ZNF385D: variants seen among roughly 807,000 people sequenced by gnomAD.
ZNF385D encodes the protein zinc finger protein 659.
ZNF385D carries 15 observed loss-of-function variants against 35.8 expected under a neutral mutation model. That is an observed-to-expected ratio of 0.42 (90% CI 0.28 to 0.64). ZNF385D has a LOEUF of 0.64. ZNF385D is among the 30% of genes least tolerant of loss of function. The pLI is 0.23. For missense variants in ZNF385D, 474 were observed against 494.6 expected (o/e 0.96, Z 0.39); for synonymous variants, 212 against 186.8 (o/e 1.13, Z -1.10).
At chr3:21,756,429 G>T (rs1251052027) in intron 3 of ZNF385D, among the ~76,000 whole-genome samples, 1 of 152,014 alleles carries the variant, frequency 6.6e-6, no homozygotes, top group Non-Finnish European at 1.5e-5. Flanking sequence ...TCAGTGTAGG[G>T]GCATGTCTGG....
chr3:22,326,923 A>G (rs978069203), intron 2 of ZNF385D, among the ~76,000 whole-genome samples: 2 of 152,216 alleles, frequency 1.3e-5, no homozygotes, highest in African/African-American at 2.4e-5. Flanking sequence ...AGAGTGCCAG[A>G]AAATAGGAAA....
chr3:21,614,625 A>G (rs374260977), intron 2 of ZNF385D, among the ~76,000 whole-genome samples: 7 of 152,078 alleles, frequency 4.6e-5, no homozygotes, highest in East Asian at 1.9e-4. Flanking sequence ...GAGTCTCACT[A>G]TGTCACAAGC....
chr3:22,095,284 AT>A (rs1454443230), intron 3 of ZNF385D, among the ~76,000 whole-genome samples: 1 of 151,728 alleles, frequency 6.6e-6, no homozygotes, highest in Admixed American at 6.6e-5. Context: ...TTATATTATT[AT>A]TTTATTTCTT....
At chr3:21,594,235 G>A (rs540306238) in intron 2 of ZNF385D, among the ~76,000 whole-genome samples, 5 of 152,242 alleles carry the variant, frequency 3.3e-5, no homozygotes, top group Admixed American at 6.5e-5. Context: ...CACTTATTTT[G>A]CAGTATCCAT....
At chr3:21,533,552 A>T (rs1358860800) in intron 3 of ZNF385D, among the ~76,000 whole-genome samples, 1 of 152,050 alleles carries the variant, frequency 6.6e-6, no homozygotes, top group Non-Finnish European at 1.5e-5. Context: ...CATCTATATG[A>T]CTCAAAATGC....
Position 22,105,327 on chromosome 3 carries a change from G to A in ZNF385D, c.325+63490C>T, listed in dbSNP as rs1267624493. On this transcript the variant is annotated intron_variant, in intron 3 of 5. Coordinates refer to the ZNF385D transcript ENST00000494108. ...ATTGCCTTTTTTTTTTCAGAGATCA[G>A]TTGTATTAGTCAGGACTCACTAGAT... 3.3e-5 allele frequency among the ~76,000 whole-genome samples: 5 copies of A among 150,038 alleles called. No individual in the cohort carries two copies. The East Asian group carries it at 9.8e-4, about 29-fold the overall frequency.
At chr3:21,724,937 A>G (rs2068697091) in intron 1 of ZNF385D, among the ~76,000 whole-genome samples, 1 of 152,166 alleles carries the variant, frequency 6.6e-6, no homozygotes, top group Non-Finnish European at 1.5e-5. Flanking sequence ...TTGGAAGTAA[A>G]ACACCCTTAG....
chr3:21,641,720 C>G (rs1249831150), intron 2 of ZNF385D, among the ~76,000 whole-genome samples: 1 of 150,068 alleles, frequency 6.7e-6, no homozygotes, highest in Non-Finnish European at 1.5e-5. Context: ...AAGTGATCTG[C>G]CTGCCTTGGC....
At chr3:21,751,236 A>AGCGCC, upstream of ZNF385D, 1 of 1,106,928 alleles carries the variant, frequency 9.0e-7, no homozygotes. Flanking sequence ...AGACCCCTCC[A>AGCGCC]CCCCACCCCA....
At chr3:21,450,970 A>C (rs1434978838) in intron 4 of ZNF385D, among the ~76,000 whole-genome samples, 1 of 152,176 alleles carries the variant, frequency 6.6e-6, no homozygotes, top group African/African-American at 2.4e-5. Flanking sequence ...AATAGATCTG[A>C]ATGAGAGAAA....
chr3:22,351,989 A>G (rs903671680), intron 2 of ZNF385D, among the ~76,000 whole-genome samples: 3 of 152,064 alleles, frequency 2.0e-5, no homozygotes, highest in Admixed American at 6.6e-5. Flanking sequence ...ATTACCTCAT[A>G]CCGTTCATGT....
intron 3 of ZNF385D, among the ~76,000 whole-genome samples, chr3:21,977,774 T>C (rs1262287933): frequency 6.6e-6 from 1 of 152,038 alleles, no homozygotes; most frequent in Non-Finnish European, 1.5e-5. Context: ...AATTGGAGGT[T>C]ACGGTGGGCC....
At chr3:21,919,945 A>G (rs1404021964) in intron 3 of ZNF385D, among the ~76,000 whole-genome samples, 1 of 152,198 alleles carries the variant, frequency 6.6e-6, no homozygotes, top group African/African-American at 2.4e-5. Flanking sequence ...AGCTCCCTCT[A>G]TAAGCATTTT....
At chr3:21,980,576 T>A (rs935176064) in intron 3 of ZNF385D, among the ~76,000 whole-genome samples, 9 of 152,162 alleles carry the variant, frequency 5.9e-5, no homozygotes, top group Admixed American at 2.6e-4. Context: ...CCTTTTAAAC[T>A]TTTATTTTAG....
rs1700727351 is a variant in ZNF385D, at chr3:21,421,334, A to G, written c.1068T>C (p.Ser356=). 1 of 1,613,806 alleles carries G rather than the reference A, an allele frequency of 6.2e-7. No homozygotes were observed. Residue 356 remains serine (S), a synonymous_variant, in exon 8 of 8, where the codon AGT becomes AGC. Coordinates refer to ENST00000281523, the MANE Select transcript of ZNF385D (RefSeq NM_024697.3). ...GTGTTGCTGCTGGAGCAGTTCGAAG[A>G]CTGAAGGGGGAACTCACTGCCACTG... The part of the protein sequence containing the change: ...AAAVAVSSPF[S]LRTAPAATLF...
chr3:21,970,373 A>G (rs1703171800), intron 3 of ZNF385D, among the ~76,000 whole-genome samples: 1 of 151,256 alleles, frequency 6.6e-6, no homozygotes, highest in Non-Finnish European at 1.5e-5. Flanking sequence ...GATTAAAATA[A>G]TTTAAAATAA....
intron 3 of ZNF385D, among the ~76,000 whole-genome samples, chr3:22,005,395 A>G (rs191924351): frequency 6.6e-6 from 1 of 152,118 alleles, no homozygotes; most frequent in East Asian, 1.9e-4. Context: ...TCAAAAAACT[A>G]AAAATAGAAT....
intron 2 of ZNF385D, among the ~76,000 whole-genome samples, chr3:21,612,704 G>T (rs2064720305): frequency 6.6e-6 from 1 of 152,148 alleles, no homozygotes; most frequent in Non-Finnish European, 1.5e-5. Context: ...CATCTATCCT[G>T]CATCTTGTGC....
At chr3:22,006,949 A>AT (rs1559842620) in intron 3 of ZNF385D, among the ~76,000 whole-genome samples, 1 of 152,114 alleles carries the variant, frequency 6.6e-6, no homozygotes, top group South Asian at 2.1e-4. Flanking sequence ...GGAAAAAAAA[A>AT]GTCATTTAAT....
Sources: gnomAD v4.1 joint callset for allele counts (sites outside exome capture counted in the v4.1 genomes callset) on GRCh38, gnomAD v4.1.1 for gene constraint, MANE v1.5 for transcripts, NCBI Gene and HGNC (gene_info 2026-07-23, HGNC 2026-07-21) for gene names.